Variants in WWOX observed in about 807,000 individuals in gnomAD.
WWOX encodes WW domain-containing oxidoreductase.
Under a neutral mutation model 46.2 loss-of-function variants are expected in WWOX, and 69 were observed. The observed-to-expected ratio is 1.49, with a 90% CI of 1.23 to 1.82. The LOEUF is 1.82. Among genes scored for constraint, WWOX ranks in the 40% most tolerant of loss-of-function variants. WWOX has a pLI of 0.00. For synonymous variants in WWOX, 359 were observed against 202.6 expected (o/e 1.77, Z -6.56); for missense variants, 919 against 542.6 (o/e 1.69, Z -6.89).
chr16:78,274,149 A>G (rs1434356072), intron 5 of WWOX, among the ~76,000 whole-genome samples: 1 of 151,958 alleles, frequency 6.6e-6, no homozygotes, highest in Admixed American at 6.6e-5. Flanking sequence ...CTCCCCAAAC[A>G]CTGCTTGCTT....
chr16:79,051,192 A>T (rs2048160995), intron 8 of WWOX, among the ~76,000 whole-genome samples: 1 of 152,132 alleles, frequency 6.6e-6, no homozygotes, highest in South Asian at 2.1e-4. Flanking sequence ...TGGGAGAAAA[A>T]GTTGTCTTTA....
chr16:78,455,935 G>A (rs927498200), intron 8 of WWOX, among the ~76,000 whole-genome samples: 1 of 152,100 alleles, frequency 6.6e-6, no homozygotes, highest in Non-Finnish European at 1.5e-5. Flanking sequence ...TTAATCTCCT[G>A]TGCACTTAAG....
chr16:78,629,600 T>C (rs1292902552), intron 8 of WWOX, among the ~76,000 whole-genome samples: 1 of 152,180 alleles, frequency 6.6e-6, no homozygotes, highest in Non-Finnish European at 1.5e-5. Context: ...CTCTGCAGCT[T>C]ACTTTGTACC....
At chr16:79,006,080 C>T (rs1019276262) in intron 8 of WWOX, among the ~76,000 whole-genome samples, 9 of 152,200 alleles carry the variant, frequency 5.9e-5, no homozygotes, top group African/African-American at 2.2e-4. Context: ...GGCATGGTCA[C>T]TGCGCTAGGG....
chr16:79,074,933 A>G (rs2048626534), intron 8 of WWOX, among the ~76,000 whole-genome samples: 1 of 152,154 alleles, frequency 6.6e-6, no homozygotes, highest in Admixed American at 6.5e-5. Context: ...TATACAACAG[A>G]TGTGAGGGAA....
At chr16:78,856,725 T>C (rs1332069065) in intron 8 of WWOX, among the ~76,000 whole-genome samples, 1 of 152,204 alleles carries the variant, frequency 6.6e-6, no homozygotes, top group Non-Finnish European at 1.5e-5. Flanking sequence ...AAATGTACTA[T>C]CTTATGAAAT....
chr16:78,524,083 T>A (rs1252183628), intron 8 of WWOX, among the ~76,000 whole-genome samples: 3 of 152,240 alleles, frequency 2.0e-5, no homozygotes, highest in Non-Finnish European at 1.5e-5. Flanking sequence ...CAAGTCAACA[T>A]CAAATAACAT....
At chr16:79,168,651 T>A (rs1241953058) in intron 8 of WWOX, among the ~76,000 whole-genome samples, 1 of 152,114 alleles carries the variant, frequency 6.6e-6, no homozygotes, top group African/African-American at 2.4e-5. Flanking sequence ...CGACTAGAAT[T>A]TCCAGGTACT....
chr16:78,895,871 T>C (rs2044690129), intron 8 of WWOX: 1 of 152,168 alleles, frequency 6.6e-6, no homozygotes, highest in Non-Finnish European at 1.5e-5. Flanking sequence ...GCTGATACAG[T>C]TCATGAAACC....
chr16:78,394,329 C>G lies in WWOX; in HGVS notation c.605+7381C>G, dbSNP rs904373116. ...GCTCTAATGAATGCTCTAAATCTAGCTCTTAATTATGATTTTTTAAGGAAA... is the reference window on the plus strand; with the variant it reads ...GCTCTAATGAATGCTCTAAATCTAGGTCTTAATTATGATTTTTTAAGGAAA... On this transcript the variant is annotated intron_variant, in intron 6 of 8. Transcript: ENST00000566780. Among the ~76,000 whole-genome samples the G allele has an allele frequency of 2.6e-5, 4 of 152,112 alleles. No homozygotes were observed. In the East Asian group the frequency reaches 7.7e-4, roughly 29 times the overall value.
intron 8 of WWOX, among the ~76,000 whole-genome samples, chr16:78,913,605 C>G (rs946840992): frequency 1.3e-5 from 2 of 151,716 alleles, no homozygotes; most frequent in African/African-American, 2.4e-5. Flanking sequence ...AAATCTTTTA[C>G]TGTATCATAG....
At chr16:78,755,919 A>C (rs77552276) in intron 8 of WWOX, among the ~76,000 whole-genome samples, 2 of 152,156 alleles carry the variant, frequency 1.3e-5, no homozygotes, top group Middle Eastern at 3.2e-3. Flanking sequence ...TCAGGACGCT[A>C]TGATGAGAAG....
At chr16:78,939,941 C>T (rs2045818624) in intron 8 of WWOX, among the ~76,000 whole-genome samples, 1 of 152,202 alleles carries the variant, frequency 6.6e-6, no homozygotes, top group African/African-American at 2.4e-5. Context: ...CGACTGCCCC[C>T]ACCCAGATAG....
intron 8 of WWOX, among the ~76,000 whole-genome samples, chr16:78,508,685 A>G (rs1320087954): frequency 6.6e-6 from 1 of 152,220 alleles, no homozygotes; most frequent in Non-Finnish European, 1.5e-5. Context: ...TCAAAGCAAC[A>G]GAAGAAACGC....
At chr16:78,335,206 G>T (rs544058270) in intron 5 of WWOX, among the ~76,000 whole-genome samples, 1 of 152,282 alleles carries the variant, frequency 6.6e-6, no homozygotes, top group South Asian at 2.1e-4. Context: ...CTGCCACGGT[G>T]GTTTGCTGCA....
chr16:79,115,269 C>G (rs879462311), intron 8 of WWOX, among the ~76,000 whole-genome samples: 2 of 152,204 alleles, frequency 1.3e-5, no homozygotes, highest in Non-Finnish European at 2.9e-5. Context: ...CATAGGGATG[C>G]ATGTAGCCTG....
intron 8 of WWOX, among the ~76,000 whole-genome samples, chr16:78,882,373 G>A (rs961728565): frequency 6.6e-5 from 10 of 152,180 alleles, no homozygotes; most frequent in Admixed American, 6.5e-4. Context: ...ATCTGACAGA[G>A]CCAGGATTAT....
intron 8 of WWOX, among the ~76,000 whole-genome samples, chr16:78,466,725 G>T (rs1343256802): frequency 6.6e-6 from 1 of 152,106 alleles, no homozygotes; most frequent in East Asian, 1.9e-4. Flanking sequence ...CTGGGTTTCT[G>T]TAATCCCAGC....
chr16:78,463,114 A>G (rs758409919), intron 8 of WWOX, among the ~76,000 whole-genome samples: 5 of 152,172 alleles, frequency 3.3e-5, no homozygotes, highest in East Asian at 1.9e-4. Flanking sequence ...TCCCACTGCA[A>G]TTCTGTGTTA....
Sources: gnomAD v4.1 joint callset for allele counts (sites outside exome capture counted in the v4.1 genomes callset) on GRCh38, gnomAD v4.1.1 for gene constraint, MANE v1.5 for transcripts, NCBI Gene and HGNC (gene_info 2026-07-23, HGNC 2026-07-21) for gene names.